Variants in PGGT1B observed in about 807,000 individuals in gnomAD.
PGGT1B encodes the protein protein geranylgeranyltransferase type I subunit beta.
In PGGT1B, 30 loss-of-function variants were observed where a neutral mutation model predicts 46.1. The ratio of observed to expected loss-of-function variants is 0.65; its 90% CI spans 0.49 to 0.88. PGGT1B has a LOEUF of 0.88. PGGT1B is among the 40% of genes least tolerant of loss of function. PGGT1B has a pLI of 0.00. For missense variants in PGGT1B, 376 were observed against 455.9 expected, an observed-to-expected ratio of 0.82 and a Z score of 1.60; for synonymous variants, 170 against 160.0, an observed-to-expected ratio of 1.06 and a Z score of -0.47.
At chr5:115,229,725 G>A (rs765743712) in intron 6 of PGGT1B, among the ~76,000 whole-genome samples, 1 of 152,074 alleles carries the variant, frequency 6.6e-6, no homozygotes, top group African/African-American at 2.4e-5. Context: ...AATTCTTAGA[G>A]CCGCCAGATT....
At chr5:115,248,589 A>G (rs1747955237) in intron 2 of PGGT1B, among the ~76,000 whole-genome samples, 1 of 152,210 alleles carries the variant, frequency 6.6e-6, no homozygotes, top group Admixed American at 6.5e-5. Context: ...TACACTTATT[A>G]CTAGGAAACC....
Position 115,241,539 on chromosome 5 carries a change from C to A in PGGT1B, c.327G>T (p.Lys109Asn). 6.3e-7 allele frequency: 1 copy of A among 1,598,668 alleles called. No homozygotes were observed. The highest frequency in any genetic ancestry group is 1.1e-5 in the South Asian group (1 of 89,324). Residue 109 changes from lysine to asparagine, a missense_variant and splice_region_variant, in exon 3 of 9, where the codon AAG becomes AAT. By Grantham distance (94) the Lys-to-Asn change is moderately conservative (BLOSUM62 0). Around this residue, in one of 2 missense-constraint regions of PGGT1B, gnomAD observed 154 missense variants for 142.3 expected, o/e 1.08. Coordinates refer to ENST00000419445, the MANE Select transcript of PGGT1B (RefSeq NM_005023.4). ...SYLGIPFNPS[K>N]APGTAHPYDS... ...TCCTTCTGAACCAAATAGAACCAACCTTTGATGGATTGAACGGAATACCCA... is the reference window on the plus strand; with the variant it reads ...TCCTTCTGAACCAAATAGAACCAACATTTGATGGATTGAACGGAATACCCA...
intron 7 of PGGT1B, among the ~76,000 whole-genome samples, chr5:115,221,547 G>GT (rs1756589448): frequency 6.6e-6 from 1 of 151,886 alleles, no homozygotes; most frequent in African/African-American, 2.4e-5. Flanking sequence ...CCACAAGAAA[G>GT]TAAGTATTTA....
rs1359700298 is a variant in PGGT1B at position 115,210,522 on chromosome 5, C to A, written c.*1880G>T. 6.6e-6 allele frequency: 1 copy of A among 151,994 alleles called. No homozygotes were observed. Among genetic ancestry groups the A allele is most frequent in the African/African-American group, 2.4e-5 (1 of 41,396 alleles). The allele number at this position is 151,994 out of a possible 1,614,324, so 9.4% of individuals were successfully genotyped here. A position where few individuals can be genotyped will look rare whatever the true frequency, so the allele number is the denominator to read the frequency against. The stretch of plus-strand genomic sequence containing the variant: ...CACAAGTGTATCAATTAGAAGCATA[C>A]TAAAATTTATAATCTTATGGTATTA... On this transcript the variant is annotated 3_prime_UTR_variant, in exon 9 of 9. Transcript: ENST00000419445.
At chr5:115,241,876 T>C (rs567941381) in intron 2 of PGGT1B, among the ~76,000 whole-genome samples, 6 of 152,176 alleles carry the variant, frequency 3.9e-5, no homozygotes, top group Non-Finnish European at 8.8e-5. Context: ...AGTCCTTTCA[T>C]ACTTCTCCTG....
At chr5:115,240,929 C>T (rs1271302174) in intron 3 of PGGT1B, among the ~76,000 whole-genome samples, 1 of 152,192 alleles carries the variant, frequency 6.6e-6, no homozygotes, top group African/African-American at 2.4e-5. Context: ...TCTTCTGGGT[C>T]TGCTCCTTTG....
chr5:115,222,168 G>A (rs1273737503), intron 6 of PGGT1B, among the ~76,000 whole-genome samples, 160 bp from the exon 7 acceptor site: 1 of 152,000 alleles, frequency 6.6e-6, no homozygotes, highest in Non-Finnish European at 1.5e-5. Flanking sequence ...CTAAACACAA[G>A]TCTTCAATAT....
chr5:115,233,170 T>C (rs1367059207), intron 5 of PGGT1B, among the ~76,000 whole-genome samples: 2 of 151,804 alleles, frequency 1.3e-5, no homozygotes, highest in Non-Finnish European at 2.9e-5. Context: ...TCCCAAGAAA[T>C]AGGCATGAAT....
intron 2 of PGGT1B, among the ~76,000 whole-genome samples, chr5:115,248,958 C>T (rs1332024841): frequency 6.6e-6 from 1 of 152,030 alleles, no homozygotes; most frequent in Non-Finnish European, 1.5e-5. Flanking sequence ...TCAGTATTTA[C>T]GTATAGCTAT....
intron 1 of PGGT1B, among the ~76,000 whole-genome samples, chr5:115,262,193 G>A (rs1314208001): frequency 6.6e-6 from 1 of 152,138 alleles, no homozygotes; most frequent in African/African-American, 2.4e-5. Context: ...CTTTTAACAG[G>A]CTGCTTCACG....
chr5:115,259,456 G>A (rs750883712), intron 1 of PGGT1B, among the ~76,000 whole-genome samples: 19 of 152,118 alleles, frequency 1.2e-4, no homozygotes, highest in Admixed American at 2.0e-4. Context: ...TTGGGAGGCC[G>A]AGGCGGGCGG....
intron 7 of PGGT1B, among the ~76,000 whole-genome samples, chr5:115,218,491 C>CAAA (rs11345719): frequency 5.3e-5 from 6 of 112,816 alleles, no homozygotes; most frequent in Admixed American, 2.0e-4. Context: ...CAATGATTCT[C>CAAA]AAAAAAAAAA....
intron 5 of PGGT1B, among the ~76,000 whole-genome samples, chr5:115,234,009 T>C (rs537142621): frequency 2.0e-5 from 3 of 152,078 alleles, no homozygotes; most frequent in African/African-American, 7.2e-5. Flanking sequence ...TACAGCATTA[T>C]TTGTAATTGC....
intron 2 of PGGT1B, among the ~76,000 whole-genome samples, chr5:115,251,865 C>T (rs1748116566): frequency 6.6e-6 from 1 of 151,886 alleles, no homozygotes; most frequent in Admixed American, 6.6e-5. Flanking sequence ...TGTAATAATT[C>T]TACCATACCT....
In PGGT1B at chr5:115,226,388, C is replaced by T. The variant is rs188237430; in HGVS notation, c.659-4380G>A. On this transcript the variant is annotated intron_variant, in intron 6 of 8. Transcript: ENST00000419445. ...GGACCCAAGTATTTTGGATAAGGGA[C>T]ACTCAACATGCACTATCTCAAGGGA... Among the ~76,000 whole-genome samples, 636 of 152,168 alleles carry T rather than the reference C, an allele frequency of 4.2e-3. 2 individuals are homozygous for T. The highest frequency in any genetic ancestry group is 0.01 in the Middle Eastern group (3 of 294).
rs1215636765 is a variant in PGGT1B, at chr5:115,206,130, T to C, written c.*6272A>G. 1 of 151,958 alleles carries C rather than the reference T, an allele frequency of 6.6e-6. No homozygotes were observed. The highest frequency in any genetic ancestry group is 2.4e-5 in the African/African-American group (1 of 41,438). 9.4% of individuals were successfully genotyped at this position (151,958 alleles called of 1,614,324 possible). Reference sequence around the variant, plus strand: ...GATCTTTATGTATAGTATACATACATATATCTATTTGTATAAGTATATATT... The same window carrying C: ...GATCTTTATGTATAGTATACATACACATATCTATTTGTATAAGTATATATT... On this transcript the variant is annotated 3_prime_UTR_variant, in exon 9 of 9. Transcript: ENST00000419445.
chr5:115,231,845 T>C (rs975376091), intron 5 of PGGT1B: 1 of 152,120 alleles, frequency 6.6e-6, no homozygotes, highest in Non-Finnish European at 1.5e-5. Context: ...CACAGCAGCA[T>C]ATTAACCATA....
intron 5 of PGGT1B, among the ~76,000 whole-genome samples, chr5:115,232,387 G>A (rs181955806): frequency 1.1e-3 from 162 of 152,016 alleles, no homozygotes; most frequent in African/African-American, 3.7e-3. Context: ...AACACACAAC[G>A]TTGGAAGCTG....
chr5:115,258,009 A>T (rs1265692068), intron 1 of PGGT1B, among the ~76,000 whole-genome samples: 1 of 152,206 alleles, frequency 6.6e-6, no homozygotes, highest in African/African-American at 2.4e-5. Flanking sequence ...ATTATTTTTC[A>T]ATGGCTGATT....
Sources: allele counts gnomAD v4.1 joint callset (sites outside exome capture counted in the v4.1 genomes callset), GRCh38; gene constraint gnomAD v4.1.1; regional missense constraint gnomAD v4.1.1; transcripts MANE v1.5; gene names NCBI Gene and HGNC (gene_info 2026-07-23, HGNC 2026-07-21).